MAN1A1: variants seen among roughly 807,000 people sequenced by gnomAD.
MAN1A1 encodes mannosidase alpha class 1A member 1, also known as mannosyl-oligosaccharide 1,2-alpha-mannosidase IA.
MAN1A1 carries 29 observed loss-of-function variants against 70.8 expected under a neutral mutation model. That is an observed-to-expected ratio of 0.41 (90% CI 0.31 to 0.56). The LOEUF is 0.56. Ranked by LOEUF, MAN1A1 falls within the 20% of genes least tolerant of loss-of-function variation. The pLI is 0.29. For missense variants in MAN1A1, 747 were observed against 841.3 expected, an observed-to-expected ratio of 0.89 and a Z score of 1.39; for synonymous variants, 349 against 330.1, an observed-to-expected ratio of 1.06 and a Z score of -0.62.
In MAN1A1 at chr6:119,215,927, C is replaced by CA. The variant is rs1176523544; in HGVS notation, c.993-11046dup. ...CTTTAGACTGGCTTGTTGTGAAGAA[C>CA]ATGTAGAAGCAGAGATCTTCAAGGT... On this transcript the variant is annotated intron_variant, in intron 6 of 12. Coordinates refer to ENST00000368468, the MANE Select transcript of MAN1A1 (RefSeq NM_005907.4). 8.5e-5 allele frequency among the ~76,000 whole-genome samples: 13 copies of CA among 152,226 alleles called. No homozygotes were observed. In the Middle Eastern group the frequency reaches 0.014, roughly 159 times the overall value.
chr6:119,186,747 G>A (rs3819725), intron 11 of MAN1A1, among the ~76,000 whole-genome samples: 23,720 of 152,118 alleles, frequency 0.16, 1,936 homozygotes, highest in South Asian at 0.29. Flanking sequence ...ATGCGGGGCT[G>A]CTGCTGAAAC....
At chr6:119,196,649 T>G (rs1400225028) in intron 8 of MAN1A1, among the ~76,000 whole-genome samples, 1 of 152,104 alleles carries the variant, frequency 6.6e-6, no homozygotes, top group African/African-American at 2.4e-5. Flanking sequence ...ATAAAAGGAT[T>G]TCTAATATCT....
At chr6:119,296,608 T>C (rs906671612) in intron 4 of MAN1A1, among the ~76,000 whole-genome samples, 2 of 152,170 alleles carry the variant, frequency 1.3e-5, no homozygotes, top group Non-Finnish European at 2.9e-5. Context: ...AAGTTGCTTC[T>C]TGAAGTCAAC....
chr6:119,348,907 C>A lies in MAN1A1; in HGVS notation c.159G>T (p.Thr53=). ...GGAAGAAGATCGCCCCGAAGCAGAGCGTGATGAAGGCGCTGAATACCAGCA... is the reference window on the plus strand; with the variant it reads ...GGAAGAAGATCGCCCCGAAGCAGAGAGTGATGAAGGCGCTGAATACCAGCA... ...VLLLVFSAFI[T]LCFGAIFFLP... is the part of the protein sequence containing the mutation. The change falls in exon 2 of 13, where the codon ACG becomes ACT. Residue 53 remains threonine (T), a synonymous_variant. Coordinates refer to ENST00000368468, the MANE Select transcript of MAN1A1 (RefSeq NM_005907.4). 1 of 1,535,442 alleles carries A rather than the reference C, an allele frequency of 6.5e-7. No homozygotes were observed. Among genetic ancestry groups the A allele is most frequent in the Admixed American group, 2.0e-5 (1 of 50,088 alleles).
chr6:119,196,910 A>G (rs982924056), intron 8 of MAN1A1, among the ~76,000 whole-genome samples: 1 of 152,184 alleles, frequency 6.6e-6, no homozygotes, highest in Non-Finnish European at 1.5e-5. Context: ...CTCAATAGTA[A>G]CAAGATCAGT....
chr6:119,300,166 A>G (rs1226198497), intron 4 of MAN1A1, among the ~76,000 whole-genome samples: 1 of 152,298 alleles, frequency 6.6e-6, no homozygotes, highest in Admixed American at 6.5e-5. Flanking sequence ...AGTCGGTTTC[A>G]TACATAGCTA....
chr6:119,318,364 C>T (rs763684575), intron 2 of MAN1A1, among the ~76,000 whole-genome samples: 1 of 152,162 alleles, frequency 6.6e-6, no homozygotes, highest in Non-Finnish European at 1.5e-5. Context: ...ATTTTCCCAA[C>T]ATCAGATCTT....
intron 4 of MAN1A1, among the ~76,000 whole-genome samples, chr6:119,295,566 A>G (rs1344950758): frequency 6.6e-6 from 1 of 152,162 alleles, no homozygotes; most frequent in Non-Finnish European, 1.5e-5. Context: ...GATCTGATTG[A>G]TTGCATTAAA....
At chr6:119,181,849 A>G (rs1318773994) in intron 11 of MAN1A1, among the ~76,000 whole-genome samples, 1 of 152,242 alleles carries the variant, frequency 6.6e-6, no homozygotes, top group African/African-American at 2.4e-5. Flanking sequence ...GTGGATATAC[A>G]TCATCTTCTG....
At chr6:119,331,964 G>A (rs377106011) in intron 2 of MAN1A1, 41 of 510,840 alleles carry the variant, frequency 8.0e-5, no homozygotes, top group Non-Finnish European at 1.4e-4. Flanking sequence ...GGAGCTGCTC[G>A]ACCCTGGGCA....
intron 3 of MAN1A1, among the ~76,000 whole-genome samples, chr6:119,306,376 A>T (rs546790331): frequency 5.3e-5 from 8 of 152,282 alleles, no homozygotes; most frequent in Admixed American, 3.9e-4. Flanking sequence ...AAATGCAATA[A>T]AGCTTGCAAA....
intron 6 of MAN1A1, among the ~76,000 whole-genome samples, chr6:119,211,573 C>G (rs967797200): frequency 6.6e-6 from 1 of 152,194 alleles, no homozygotes; most frequent in African/African-American, 2.4e-5. Flanking sequence ...TTTAGTGTCA[C>G]CACATACATG....
intron 9 of MAN1A1, 29 bp from the exon 10 acceptor site, chr6:119,189,912 T>C (rs1214722193): frequency 6.6e-7 from 1 of 1,526,270 alleles, no homozygotes; most frequent in Admixed American, 1.7e-5. Flanking sequence ...TTTTAACATT[T>C]TGTAATCTCT....
chr6:119,207,826 G>T (rs1281727507), intron 6 of MAN1A1, among the ~76,000 whole-genome samples: 2 of 152,124 alleles, frequency 1.3e-5, no homozygotes, highest in African/African-American at 4.8e-5. Flanking sequence ...TGGTGGAGAG[G>T]GGGTCACAGT....
intron 5 of MAN1A1, among the ~76,000 whole-genome samples, chr6:119,281,552 C>T (rs771708517): frequency 2.0e-5 from 3 of 152,160 alleles, no homozygotes; most frequent in Non-Finnish European, 2.9e-5. Flanking sequence ...TAGAAATGAC[C>T]TAGATGGCAG....
At chr6:119,268,934 G>A (rs866886193) in intron 5 of MAN1A1, among the ~76,000 whole-genome samples, 1 of 152,026 alleles carries the variant, frequency 6.6e-6, no homozygotes, top group Non-Finnish European at 1.5e-5. Context: ...GACAAACTAC[G>A]CCTGAACAAT....
intron 2 of MAN1A1, among the ~76,000 whole-genome samples, chr6:119,338,677 A>G (rs575180947): frequency 1.1e-4 from 16 of 152,360 alleles, no homozygotes; most frequent in Admixed American, 3.3e-4. Context: ...GCAGATCTCC[A>G]GAGAGGTCAA....
chr6:119,286,766 A>C (rs1315274777), intron 5 of MAN1A1, among the ~76,000 whole-genome samples: 3 of 152,120 alleles, frequency 2.0e-5, no homozygotes, highest in Admixed American at 6.6e-5. Context: ...TGAGGATTAA[A>C]AACTCTGGTC....
chr6:119,292,888 A>G (rs1302503523), intron 4 of MAN1A1, among the ~76,000 whole-genome samples: 1 of 152,132 alleles, frequency 6.6e-6, no homozygotes, highest in Non-Finnish European at 1.5e-5. Flanking sequence ...AAAATTACTG[A>G]TAAGGAAAAG....
Sources: gnomAD v4.1 joint callset for allele counts (sites outside exome capture counted in the v4.1 genomes callset) on GRCh38, gnomAD v4.1.1 for gene constraint, MANE v1.5 for transcripts, NCBI Gene and HGNC (gene_info 2026-07-23, HGNC 2026-07-21) for gene names.